The following CCDC91 variants were observed in gnomAD, a reference collection of about 807,000 sequenced individuals.
The protein encoded by CCDC91 is coiled-coil domain containing 91, also known as coiled-coil domain-containing protein 91.
In CCDC91, 48 loss-of-function variants were observed where a neutral mutation model predicts 63.2. The ratio of observed to expected loss-of-function variants is 0.76; its 90% CI spans 0.60 to 0.97. The LOEUF (loss-of-function observed/expected upper bound fraction) is 0.97, where lower values mean the gene tolerates loss of function less well. Ranked by LOEUF, CCDC91 falls within the 50% of genes least tolerant of loss-of-function variation. The pLI, the probability that CCDC91 is intolerant of heterozygous loss-of-function variation, is 0.00. For missense variants in CCDC91, 500 were observed against 494.6 expected (o/e 1.01, Z -0.10); for synonymous variants, 167 against 165.8 (o/e 1.01, Z -0.06).
intron 3 of CCDC91, among the ~76,000 whole-genome samples, chr12:28,281,571 G>A (rs1338949371): frequency 6.6e-6 from 1 of 152,044 alleles, no homozygotes; most frequent in Non-Finnish European, 1.5e-5. Context: ...TTCATTACTA[G>A]CTTATCCAAG....
intron 12 of CCDC91, among the ~76,000 whole-genome samples, chr12:28,489,252 A>G (rs572676361): frequency 6.6e-6 from 1 of 152,070 alleles, no homozygotes; most frequent in African/African-American, 2.4e-5. Context: ...ATTTCTCTCT[A>G]TGTATTAATT....
At chr12:28,196,445 T>G (rs756774148) in intron 1 of CCDC91, among the ~76,000 whole-genome samples, 3 of 152,218 alleles carry the variant, frequency 2.0e-5, no homozygotes, top group Non-Finnish European at 4.4e-5. Flanking sequence ...TTATTTTGTT[T>G]TCTTGTCTCT....
chr12:28,253,010 C>T (rs539438293), intron 1 of CCDC91, among the ~76,000 whole-genome samples: 1 of 152,136 alleles, frequency 6.6e-6, no homozygotes, highest in Non-Finnish European at 1.5e-5. Context: ...CAATGTAACA[C>T]AGTAAGTGGC....
chr12:28,268,749 T>C (rs971800089), intron 3 of CCDC91: 1 of 810,664 alleles, frequency 1.2e-6, no homozygotes, highest in African/African-American at 1.9e-5. Context: ...GAGGAGGGAG[T>C]AGATTTTACC....
chr12:28,466,468 C>T (rs913743586), intron 11 of CCDC91, among the ~76,000 whole-genome samples: 3 of 151,962 alleles, frequency 2.0e-5, no homozygotes, highest in Non-Finnish European at 2.9e-5. Context: ...AAGCAGCAAG[C>T]GAGAATAAGC....
At chr12:28,271,369 T>C (rs1044047163) in intron 3 of CCDC91, among the ~76,000 whole-genome samples, 12 of 152,142 alleles carry the variant, frequency 7.9e-5, no homozygotes, top group African/African-American at 2.9e-4. Context: ...TTGTAAATTT[T>C]ATGCTTATCT....
intron 1 of CCDC91, among the ~76,000 whole-genome samples, chr12:28,216,521 A>G (rs144413224): frequency 1.7e-3 from 256 of 151,758 alleles, no homozygotes; most frequent in African/African-American, 5.8e-3. Flanking sequence ...GACTTTGTCT[A>G]CTCTCCCGGA....
At chr12:28,472,686 G>T (rs1302456017) in intron 11 of CCDC91, among the ~76,000 whole-genome samples, 1 of 152,128 alleles carries the variant, frequency 6.6e-6, no homozygotes, top group Non-Finnish European at 1.5e-5. Flanking sequence ...AATATTTATA[G>T]TAATAAATGA....
rs1565700512 is a variant in CCDC91, at chr12:28,267,857, ATATAATT to A, written c.109+8416_109+8422del. 2.0e-4 allele frequency among the ~76,000 whole-genome samples: 8 copies of A among 40,136 alleles called. 1 individual carries two copies. Among genetic ancestry groups the A allele is most frequent in the Non-Finnish European group, 4.2e-4 (8 of 19,114 alleles). The allele number at this position is 40,136 out of a possible 152,430, so 26.3% of individuals were successfully genotyped here. A position where few individuals can be genotyped will look rare whatever the true frequency, so the allele number is the denominator to read the frequency against. ...TAATTATATATAATTATATAGTAATATATAATTATATATAATTATATATAATTATTAT... is the reference window on the plus strand; with the variant it reads ...TAATTATATATAATTATATAGTAATAATATATAATTATATATAATTATTAT... On this transcript the variant is annotated intron_variant, in intron 3 of 12. Transcript: ENST00000536442.
intron 1 of CCDC91, among the ~76,000 whole-genome samples, chr12:28,200,482 G>GAC (rs1942141299): frequency 6.9e-6 from 1 of 145,398 alleles, no homozygotes; most frequent in South Asian, 2.3e-4. Flanking sequence ...GAGTGGTGAT[G>GAC]ACTCTTAACG....
chr12:28,485,155 C>A (rs1566049086), intron 12 of CCDC91, among the ~76,000 whole-genome samples: 1 of 143,526 alleles, frequency 7.0e-6, no homozygotes, highest in East Asian at 2.0e-4. Flanking sequence ...TAGTCCTATA[C>A]TTTTTTTTTT....
intron 12 of CCDC91, among the ~76,000 whole-genome samples, chr12:28,491,088 C>T (rs1048429790): frequency 2.6e-5 from 4 of 150,982 alleles, no homozygotes; most frequent in Non-Finnish European, 4.4e-5. Flanking sequence ...GCAGTTAATG[C>T]GGTATTTTTC....
chr12:28,253,388 G>A (rs1478689677), intron 1 of CCDC91, among the ~76,000 whole-genome samples: 2 of 152,098 alleles, frequency 1.3e-5, no homozygotes, highest in Non-Finnish European at 2.9e-5. Flanking sequence ...ATATCTTCCT[G>A]CCTGGAGACC....
chr12:28,369,882 G>A (rs1232099039), intron 7 of CCDC91, among the ~76,000 whole-genome samples: 4 of 152,184 alleles, frequency 2.6e-5, no homozygotes, highest in African/African-American at 9.7e-5. Flanking sequence ...CACAGCTAGA[G>A]CTGGAGTAGC....
intron 11 of CCDC91, among the ~76,000 whole-genome samples, chr12:28,477,445 A>C (rs1951167545): frequency 6.6e-6 from 1 of 152,126 alleles, no homozygotes; most frequent in African/African-American, 2.4e-5. Flanking sequence ...ACTCTCAATA[A>C]ATTAGGTATT....
intron 8 of CCDC91, among the ~76,000 whole-genome samples, chr12:28,431,709 C>G (rs1948636809): frequency 6.6e-6 from 1 of 151,852 alleles, no homozygotes; most frequent in East Asian, 1.9e-4. Context: ...ATTCCCTGTA[C>G]CTTTGTTACA....
intron 3 of CCDC91, among the ~76,000 whole-genome samples, chr12:28,264,577 A>ATGTGTGTG (rs1565692952): frequency 3.9e-5 from 2 of 50,836 alleles, no homozygotes; most frequent in South Asian, 7.7e-4. Context: ...ATATATATAT[A>ATGTGTGTG]TGTCTGTCTG....
intron 1 of CCDC91, among the ~76,000 whole-genome samples, chr12:28,212,894 T>C (rs1401403643): frequency 1.3e-5 from 2 of 152,218 alleles, no homozygotes; most frequent in Non-Finnish European, 2.9e-5. Context: ...GTACTAGGCA[T>C]TGGGGGATAC....
At chr12:28,193,122 T>G (rs1307057135) in intron 1 of CCDC91, among the ~76,000 whole-genome samples, 1 of 152,264 alleles carries the variant, frequency 6.6e-6, no homozygotes, top group Non-Finnish European at 1.5e-5. Flanking sequence ...GAATATATCA[T>G]AGTATGTTTA....
Sources: gnomAD v4.1 joint callset for allele counts (sites outside exome capture counted in the v4.1 genomes callset) on GRCh38, gnomAD v4.1.1 for gene constraint, MANE v1.5 for transcripts, NCBI Gene and HGNC (gene_info 2026-07-23, HGNC 2026-07-21) for gene names.